Variants in C1orf87 observed in about 807,000 individuals in gnomAD.
C1orf87 encodes uncharacterized protein C1orf87.
Under a neutral mutation model 60.5 loss-of-function variants are expected in C1orf87, and 58 were observed. The ratio of observed to expected loss-of-function variants is 0.96; its 90% CI spans 0.78 to 1.19. The LOEUF (loss-of-function observed/expected upper bound fraction) is 1.19, where lower values mean the gene tolerates loss of function less well. C1orf87 is among the 50% of genes most tolerant of loss of function. The pLI, the probability that C1orf87 is intolerant of heterozygous loss-of-function variation, is 0.00. For missense variants in C1orf87, 673 were observed against 638.6 expected (o/e 1.05, Z -0.58); for synonymous variants, 236 against 227.4 (o/e 1.04, Z -0.34).
At chr1:60,060,090 C>T (rs200539046) in intron 2 of C1orf87, among the ~76,000 whole-genome samples, 3 of 142,942 alleles carry the variant, frequency 2.1e-5, no homozygotes, top group Non-Finnish European at 3.1e-5. Context: ...GTTTCTTTTT[C>T]TTTTTTTTTT....
intron 10 of C1orf87, among the ~76,000 whole-genome samples, chr1:59,998,291 C>T (rs940553669): frequency 3.3e-5 from 5 of 152,152 alleles, no homozygotes; most frequent in African/African-American, 4.8e-5. Flanking sequence ...TTAAAGCACT[C>T]TTAGTCTGCC....
intron 2 of C1orf87, among the ~76,000 whole-genome samples, chr1:60,064,840 TTATATATTTA>T (rs1557482002): frequency 4.5e-5 from 4 of 89,282 alleles, no homozygotes; most frequent in African/African-American, 1.4e-4. Flanking sequence ...AAATATATAA[TTATATATTTA>T]TATATTTATT....
intron 5 of C1orf87, among the ~76,000 whole-genome samples, chr1:60,039,585 C>G (rs929353542): frequency 6.6e-6 from 1 of 152,146 alleles, no homozygotes; most frequent in Non-Finnish European, 1.5e-5. Context: ...CAATTCTTAC[C>G]TTGGGTCCTG....
chr1:60,006,636 C>T (rs1645048193), intron 9 of C1orf87, among the ~76,000 whole-genome samples: 1 of 152,012 alleles, frequency 6.6e-6, no homozygotes. Context: ...ACAGGCTCCA[C>T]AGTGAAGAGA....
At chr1:60,020,697 G>A (rs565063221) in intron 8 of C1orf87, among the ~76,000 whole-genome samples, 1 of 152,254 alleles carries the variant, frequency 6.6e-6, no homozygotes, top group African/African-American at 2.4e-5. Flanking sequence ...TGATTTTACA[G>A]GCTCATAGGT....
rs554450137 is a variant in C1orf87 at position 59,996,232 on chromosome 1, T to G, written c.1480+1377A>C. Among the ~76,000 whole-genome samples, 23 of 152,316 alleles carry G rather than the reference T, an allele frequency of 1.5e-4. No homozygotes were observed. In the East Asian group the frequency reaches 3.7e-3, roughly 24 times the overall value. On this transcript the variant is annotated intron_variant, in intron 11 of 11. Transcript: ENST00000371201. ...TTGTCATATGATTACTTCTAGATGG[T>G]ACTAATGTGTACACCAACTCTTCAT...
chr1:59,998,121 C>T (rs1644976038), intron 10 of C1orf87, among the ~76,000 whole-genome samples: 1 of 142,532 alleles, frequency 7.0e-6, no homozygotes, highest in Non-Finnish European at 1.5e-5. Flanking sequence ...TGATGTTCTA[C>T]TCTGTTTTGT....
intron 8 of C1orf87, among the ~76,000 whole-genome samples, chr1:60,017,796 T>C (rs1220261396): frequency 6.6e-6 from 1 of 152,196 alleles, no homozygotes; most frequent in Admixed American, 6.6e-5. Flanking sequence ...AAAATCGCCT[T>C]ATCCTGGCAG....
chr1:59,990,704 T>C lies in C1orf87; in HGVS notation c.1610A>G (p.Glu537Gly). 6.2e-7 allele frequency: 1 copy of C among 1,614,070 alleles called. No individual in the cohort carries two copies. The highest frequency in any genetic ancestry group is 8.5e-7 in the Non-Finnish European group (1 of 1,179,954). The change falls in exon 12 of 12, where the codon GAG becomes GGG. Residue 537 changes from glutamate to glycine, a missense_variant. Coordinates refer to ENST00000371201, the MANE Select transcript of C1orf87 (RefSeq NM_152377.3). ...RFRSGENMLL[E>G]PALRYLKEL ...CTCCTTTAAGTACCGCAGTGCTGGC[T>C]CCAAGAGCATATTTTCTCCCGAACG... is the stretch of plus-strand genomic sequence containing the variant.
intron 8 of C1orf87, among the ~76,000 whole-genome samples, chr1:60,016,741 T>C (rs1645127265): frequency 6.6e-6 from 1 of 152,234 alleles, no homozygotes; most frequent in South Asian, 2.1e-4. Context: ...TTCCAAGCTC[T>C]GGGCTTGTTT....
chr1:59,995,007 G>GGCCAT lies in C1orf87; in HGVS notation c.1480+2601_1480+2602insATGGC, dbSNP rs1644953744. ...GGCTGACACATTCCTTGGCTGTTGA[G>GGCCAT]GAACTAATGAATTTCATGGAAACAG... On this transcript the variant is annotated intron_variant, in intron 11 of 11. Transcript: ENST00000371201. Among the ~76,000 whole-genome samples, 3 of 152,126 alleles carry GGCCAT rather than the reference G, an allele frequency of 2.0e-5. No homozygotes were observed. In the South Asian group the frequency reaches 6.2e-4, roughly 32 times the overall value.
intron 4 of C1orf87, among the ~76,000 whole-genome samples, chr1:60,040,764 T>G (rs1479606192): frequency 6.6e-6 from 1 of 151,370 alleles, no homozygotes; most frequent in Non-Finnish European, 1.5e-5. Context: ...AATTTTTTTT[T>G]TTTTTTTTTG....
chr1:60,042,714 G>C (rs1028166591), intron 3 of C1orf87, among the ~76,000 whole-genome samples: 4 of 152,200 alleles, frequency 2.6e-5, no homozygotes, highest in African/African-American at 9.7e-5. Flanking sequence ...GAAAGCCAAG[G>C]CTTGCAGAAG....
intron 7 of C1orf87, among the ~76,000 whole-genome samples, chr1:60,029,881 C>T (rs745824932): frequency 9.2e-5 from 14 of 152,064 alleles, no homozygotes; most frequent in South Asian, 4.2e-4. Context: ...CCTTGTGATC[C>T]GCCCACCTTA....
At chr1:60,012,403 AT>A (rs1174002437) in intron 8 of C1orf87, among the ~76,000 whole-genome samples, 1 of 152,064 alleles carries the variant, frequency 6.6e-6, no homozygotes, top group Non-Finnish European at 1.5e-5. Context: ...ATTGAGGGAA[AT>A]TTTTTTAACT....
At chr1:60,055,107 G>T in intron 3 of C1orf87, 97 bp downstream of exon 3, 1 of 1,076,136 alleles carries the variant, frequency 9.3e-7, no homozygotes, top group South Asian at 1.5e-5. Context: ...ATATATTAAT[G>T]AACATTTGTA....
intron 3 of C1orf87, among the ~76,000 whole-genome samples, chr1:60,050,327 C>T (rs1645405057): frequency 6.6e-6 from 1 of 151,956 alleles, no homozygotes; most frequent in Admixed American, 6.6e-5. Context: ...TGTTCTCATA[C>T]AGGTTTGGAC....
intron 8 of C1orf87, among the ~76,000 whole-genome samples, chr1:60,024,013 AT>A (rs1233729202): frequency 3.9e-5 from 6 of 152,158 alleles, no homozygotes; most frequent in Non-Finnish European, 7.4e-5. Flanking sequence ...CATTATGTTC[AT>A]GCCTTCTTGA....
Position 60,025,439 on chromosome 1 carries a change from C to A in C1orf87, c.1089G>T (p.Leu363Phe), listed in dbSNP as rs780197734. The A allele has an allele frequency of 1.2e-6, 2 of 1,613,304 alleles. No homozygotes were observed. The highest frequency in any genetic ancestry group is 2.2e-5 in the South Asian group (2 of 91,000). Residue 363 changes from leucine to phenylalanine, a missense_variant, in exon 8 of 12, where the codon TTG becomes TTT. By Grantham distance (22) the Leu-to-Phe change is conservative. Coordinates refer to ENST00000371201, the MANE Select transcript of C1orf87 (RefSeq NM_152377.3). ...GGTAACCCAAATCTTGATGGTTAAG[C>A]AATGTTTCCAGCAGGCTCAGGGTCA... ...LYLTLSLLET[L>F]LNHQDLGYQN...
Sources: allele counts gnomAD v4.1 joint callset (sites outside exome capture counted in the v4.1 genomes callset), GRCh38; gene constraint gnomAD v4.1.1; transcripts MANE v1.5; gene names NCBI Gene and HGNC (gene_info 2026-07-23, HGNC 2026-07-21).